Variants in SATB2 observed in about 807,000 individuals in gnomAD.
SATB2 encodes DNA-binding protein SATB2.
In SATB2, 1 loss-of-function variant was observed where a neutral mutation model predicts 73.4. The ratio of observed to expected loss-of-function variants is 0.01; its 90% CI spans 0.00 to 0.06. The LOEUF (loss-of-function observed/expected upper bound fraction) is 0.06, where lower values mean the gene tolerates loss of function less well. SATB2 is among the 10% of genes least tolerant of loss of function. The pLI, the probability that SATB2 is intolerant of heterozygous loss-of-function variation, is 1.00. For missense variants in SATB2, 459 were observed against 945.8 expected (o/e 0.49, Z 6.75); for synonymous variants, 397 against 367.0 (o/e 1.08, Z -0.93).
At chr2:199,295,854 C>G (rs759109305) in intron 10 of SATB2, among the ~76,000 whole-genome samples, 2 of 152,152 alleles carry the variant, frequency 1.3e-5, no homozygotes, top group African/African-American at 2.4e-5. Flanking sequence ...TCAAACCTAT[C>G]TAGTTTGCTT....
chr2:199,440,210 A>G (rs546294033), intron 2 of SATB2, among the ~76,000 whole-genome samples: 1 of 152,322 alleles, frequency 6.6e-6, no homozygotes, highest in Non-Finnish European at 1.5e-5. Context: ...GGGTCTCAGG[A>G]AAAATTTCTA....
At chr2:199,413,207 A>G (rs1321785512) in intron 3 of SATB2, among the ~76,000 whole-genome samples, 4 of 152,210 alleles carry the variant, frequency 2.6e-5, no homozygotes, top group Non-Finnish European at 5.9e-5. Flanking sequence ...ACTCCGAAGC[A>G]CATATGTAAT....
chr2:199,451,884 T>C (rs1393223674), intron 2 of SATB2, among the ~76,000 whole-genome samples: 1 of 152,086 alleles, frequency 6.6e-6, no homozygotes, highest in Non-Finnish European at 1.5e-5. Flanking sequence ...ACAAGACAGT[T>C]ATGTTCTTGA....
intron 3 of SATB2, among the ~76,000 whole-genome samples, chr2:199,415,809 G>C (rs967392757): frequency 1.3e-5 from 2 of 152,170 alleles, no homozygotes; most frequent in African/African-American, 4.8e-5. Flanking sequence ...TCCTGGCCCA[G>C]CCCTTCTCTT....
Position 199,308,978 on chromosome 2 carries a change from T to C in SATB2, c.1543-21A>G. ...CAGCCCTGTAGAGAGAGGAGGTCGC[T>C]TGCATTAACCTGCAGAGTGTAGAGG... On this transcript the variant is annotated intron_variant, in intron 9 of 10. Transcript: ENST00000417098. This position sits in a 1 kb window ranked among gnomAD's most constrained non-coding sequence, Gnocchi z 4.6. 6.2e-7 allele frequency: 1 copy of C among 1,607,328 alleles called. No individual in the cohort carries two copies. The highest frequency in any genetic ancestry group is 8.5e-7 in the Non-Finnish European group (1 of 1,174,288).
In SATB2 at chr2:199,335,967, C is replaced by T. The variant is rs988110336; in HGVS notation, c.1174-7057G>A. ...TAGATACAACAGAGCATTCTTGAAG[C>T]CAAAACAGTCTGTGTTCCCTTAACT... On this transcript the variant is annotated intron_variant, in intron 7 of 10. Transcript: ENST00000417098. 2.6e-5 allele frequency among the ~76,000 whole-genome samples: 4 copies of T among 152,106 alleles called. No individual in the cohort carries two copies. The East Asian group carries it at 7.7e-4, about 29-fold the overall frequency.
chr2:199,310,652 C>G (rs577888426), intron 9 of SATB2, among the ~76,000 whole-genome samples: 3 of 152,152 alleles, frequency 2.0e-5, no homozygotes, highest in Admixed American at 6.5e-5. Flanking sequence ...GAATAAGTCT[C>G]CAACTGAATT....
At chr2:199,288,028 A>G (rs1165527399) in intron 10 of SATB2, among the ~76,000 whole-genome samples, 1 of 152,216 alleles carries the variant, frequency 6.6e-6, no homozygotes, top group Non-Finnish European at 1.5e-5. Context: ...AACACCTTCA[A>G]CTAAAATCTA....
At chr2:199,305,154 T>C (rs1488545058) in intron 10 of SATB2, among the ~76,000 whole-genome samples, 6 of 152,118 alleles carry the variant, frequency 3.9e-5, no homozygotes, top group Non-Finnish European at 2.9e-5. Context: ...AGAAATCACA[T>C]GACAGCTATA....
At chr2:199,380,338 C>T in intron 5 of SATB2, 26 bp downstream of exon 5, 1 of 1,613,782 alleles carries the variant, frequency 6.2e-7, no homozygotes, top group South Asian at 1.1e-5. Context: ...CTTCTGTTTC[C>T]CAGACCCCCA....
At chr2:199,327,601 A>T (rs1688067728) in intron 8 of SATB2, among the ~76,000 whole-genome samples, 1 of 152,158 alleles carries the variant, frequency 6.6e-6, no homozygotes, top group Admixed American at 6.5e-5. Context: ...GCCAGAAATG[A>T]GTGGGCTTGG....
intron 6 of SATB2, among the ~76,000 whole-genome samples, chr2:199,367,681 T>C (rs1689327565): frequency 1.3e-5 from 2 of 152,178 alleles, no homozygotes; most frequent in Non-Finnish European, 2.9e-5. Flanking sequence ...TAAAGTGTGA[T>C]AAATATGTCA....
intron 7 of SATB2, among the ~76,000 whole-genome samples, chr2:199,336,287 G>T (rs1688336412): frequency 6.6e-6 from 1 of 151,986 alleles, no homozygotes; most frequent in Admixed American, 6.6e-5. Flanking sequence ...TTCAGCTCTG[G>T]GCACATACAT....
intron 3 of SATB2, among the ~76,000 whole-genome samples, chr2:199,425,071 T>A (rs1265575305): frequency 6.6e-6 from 1 of 152,226 alleles, no homozygotes; most frequent in Non-Finnish European, 1.5e-5. Flanking sequence ...AAGACAGTTA[T>A]GCTTTAAAGG....
chr2:199,274,911 G>T (rs1402218510), intron 10 of SATB2, among the ~76,000 whole-genome samples: 1 of 152,084 alleles, frequency 6.6e-6, no homozygotes, highest in Non-Finnish European at 1.5e-5. Flanking sequence ...CATGATCTGG[G>T]CAGTATGAGC....
At chr2:199,350,416 G>A (rs541766735) in intron 6 of SATB2, among the ~76,000 whole-genome samples, 1 of 152,148 alleles carries the variant, frequency 6.6e-6, no homozygotes, top group Non-Finnish European at 1.5e-5. Flanking sequence ...TGGGTGAGAT[G>A]ACTGAAAACA....
chr2:199,409,528 C>T (rs1436180445), intron 3 of SATB2, among the ~76,000 whole-genome samples: 2 of 152,100 alleles, frequency 1.3e-5, no homozygotes, highest in Admixed American at 1.3e-4. Context: ...ATAGTTAATA[C>T]GACTTCACTG....
chr2:199,293,156 C>A (rs2105745339), intron 10 of SATB2, among the ~76,000 whole-genome samples: 1 of 152,246 alleles, frequency 6.6e-6, no homozygotes, highest in East Asian at 1.9e-4. Flanking sequence ...GTGGGAACAG[C>A]CTTTTCTAGG....
rs76789311 is a variant in SATB2, at chr2:199,306,059, C to T, written c.1740+2701G>A. Among the ~76,000 whole-genome samples, 1,158 of 152,210 alleles carry T rather than the reference C, an allele frequency of 7.6e-3. 13 individuals carry two copies. The highest frequency in any genetic ancestry group is 0.026 in the African/African-American group (1,087 of 41,514). ...TAAGATTTCTAAAACAGGTAATTAA[C>T]TGTATCTTGCTAAAAATTTAGTTGA... On this transcript the variant is annotated intron_variant, in intron 10 of 10. Coordinates refer to ENST00000417098, the MANE Select transcript of SATB2 (RefSeq NM_001172509.2).
Sources: gnomAD v4.1 joint callset for allele counts (sites outside exome capture counted in the v4.1 genomes callset) on GRCh38, gnomAD v4.1.1 for gene constraint, Gnocchi (gnomAD v3.1) non-coding constraint, MANE v1.5 for transcripts, NCBI Gene and HGNC (gene_info 2026-07-23, HGNC 2026-07-21) for gene names.